KAZN: variants seen among roughly 807,000 people sequenced by gnomAD.
The protein encoded by KAZN is kazrin, periplakin interacting protein, also known as kazrin.
In KAZN, 40 loss-of-function variants were observed where a neutral mutation model predicts 87.4. The observed-to-expected ratio is 0.46, with a 90% CI of 0.36 to 0.60. The LOEUF is 0.60. KAZN is among the 20% of genes least tolerant of loss of function. KAZN has a pLI of 0.00. For synonymous variants in KAZN, 466 were observed against 458.3 expected (o/e 1.02, Z -0.22); for missense variants, 898 against 1,073.9 (o/e 0.84, Z 2.29).
In KAZN at chr1:14,155,636, T is replaced by TTTCTTCTTC. The variant is rs369190328; in HGVS notation, c.92-24781_92-24773dup. On this transcript the variant is annotated intron_variant, in intron 1 of 16. Transcript: ENST00000636203. Reference sequence around the variant, plus strand: ...TGCACTGTTAAGTTTATTTGGTATTTTTCTTCTTCTTCTTCTTCTTCTTCT... The same window carrying TTTCTTCTTC: ...TGCACTGTTAAGTTTATTTGGTATTTTTCTTCTTCTTCTTCTTCTTCTTCTTCTTCTTCT... Among the ~76,000 whole-genome samples, 121 of 151,568 alleles carry TTTCTTCTTC rather than the reference T, an allele frequency of 8.0e-4. 1 individual carries two copies. Among genetic ancestry groups the TTTCTTCTTC allele is most frequent in the African/African-American group, 2.7e-3 (110 of 41,278 alleles).
intron 2 of KAZN, among the ~76,000 whole-genome samples, chr1:14,433,958 G>T (rs1037209543): frequency 3.2e-4 from 48 of 152,246 alleles, no homozygotes; most frequent in African/African-American, 1.2e-3. Context: ...TGCGAAGGAG[G>T]CTGTTTGCAA....
intron 2 of KAZN, among the ~76,000 whole-genome samples, chr1:14,991,779 G>A (rs144000801): frequency 2.6e-3 from 392 of 152,280 alleles, no homozygotes; most frequent in South Asian, 0.013. Context: ...GCCCTGGACC[G>A]CCAGAGCCTG....
chr1:14,938,842 G>T (rs545775938), intron 1 of KAZN, among the ~76,000 whole-genome samples: 1 of 152,306 alleles, frequency 6.6e-6, no homozygotes, highest in African/African-American at 2.4e-5. Flanking sequence ...AAATGAGAAT[G>T]ATGGCACCCA....
At chr1:14,015,663 C>A (rs1320786764) in intron 1 of KAZN, among the ~76,000 whole-genome samples, 1 of 148,310 alleles carries the variant, frequency 6.7e-6, no homozygotes, top group Non-Finnish European at 1.5e-5. Flanking sequence ...GTAATCCCAG[C>A]ACTTTGGGAG....
At chr1:14,397,916 G>C (rs1175909761) in intron 2 of KAZN, among the ~76,000 whole-genome samples, 1 of 149,714 alleles carries the variant, frequency 6.7e-6, no homozygotes, top group South Asian at 2.1e-4. Flanking sequence ...TCTGAGATAA[G>C]GCTTCACGAG....
intron 2 of KAZN, among the ~76,000 whole-genome samples, chr1:14,574,168 C>T (rs539888098): frequency 4.6e-5 from 7 of 152,288 alleles, no homozygotes; most frequent in Non-Finnish European, 7.4e-5. Flanking sequence ...AAGAAAGTGA[C>T]TGTCATTCCC....
intron 2 of KAZN, among the ~76,000 whole-genome samples, chr1:14,298,040 C>A (rs1654260708): frequency 6.6e-6 from 1 of 152,078 alleles, no homozygotes; most frequent in Non-Finnish European, 1.5e-5. Flanking sequence ...GCCTGGGTAA[C>A]ATGGCAAAAC....
chr1:14,150,017 G>T (rs1437983794), intron 1 of KAZN, among the ~76,000 whole-genome samples: 1 of 152,130 alleles, frequency 6.6e-6, no homozygotes, highest in Non-Finnish European at 1.5e-5. Flanking sequence ...GCAACAGCAG[G>T]GAATTTTATA....
intron 1 of KAZN, among the ~76,000 whole-genome samples, chr1:14,159,551 G>A (rs1342307225): frequency 6.6e-6 from 1 of 152,186 alleles, no homozygotes; most frequent in Non-Finnish European, 1.5e-5. Context: ...CGGTCCAAAA[G>A]CCAAGTTCTG....
chr1:14,437,158 C>T (rs938660830), intron 2 of KAZN, among the ~76,000 whole-genome samples: 1 of 152,258 alleles, frequency 6.6e-6, no homozygotes, highest in Admixed American at 6.5e-5. Flanking sequence ...GAGTCAGAGC[C>T]ATGTGTCTCT....
intron 2 of KAZN, among the ~76,000 whole-genome samples, chr1:14,481,267 C>A (rs997744476): frequency 6.6e-6 from 1 of 152,064 alleles, no homozygotes; most frequent in Admixed American, 6.6e-5. Flanking sequence ...TACCTACTGC[C>A]TGGGATATTG....
intron 1 of KAZN, among the ~76,000 whole-genome samples, chr1:14,887,862 G>GC (rs1335028012): frequency 6.6e-6 from 1 of 151,744 alleles, no homozygotes; most frequent in African/African-American, 2.4e-5. Context: ...AATTTCTCAT[G>GC]CCCCCCTCTC....
At chr1:13,982,399 G>A (rs2101082125) in intron 1 of KAZN, among the ~76,000 whole-genome samples, 1 of 152,342 alleles carries the variant, frequency 6.6e-6, no homozygotes, top group South Asian at 2.1e-4. Flanking sequence ...TGGGTTCGTG[G>A]TCTAGCTGGC....
intron 1 of KAZN, among the ~76,000 whole-genome samples, chr1:14,827,792 T>A (rs1321090571): frequency 3.3e-5 from 5 of 152,234 alleles, no homozygotes; most frequent in African/African-American, 4.8e-5. Flanking sequence ...TGAGTGGGCA[T>A]GTCTATGGGA....
intron 1 of KAZN, among the ~76,000 whole-genome samples, chr1:14,163,729 G>GT (rs1225796479): frequency 1.3e-5 from 2 of 152,160 alleles, no homozygotes; most frequent in African/African-American, 4.8e-5. Flanking sequence ...ACATTCCTGC[G>GT]TGGAGGCCCT....
chr1:14,679,484 T>C (rs914486492), intron 1 of KAZN, among the ~76,000 whole-genome samples: 1 of 152,082 alleles, frequency 6.6e-6, no homozygotes, highest in African/African-American at 2.4e-5. Flanking sequence ...GTAGGGGCTG[T>C]GGGTTCCGGA....
intron 2 of KAZN, among the ~76,000 whole-genome samples, chr1:14,456,602 A>G (rs1667580311): frequency 6.6e-6 from 1 of 152,200 alleles, no homozygotes; most frequent in Non-Finnish European, 1.5e-5. Flanking sequence ...TGCGGCCTCC[A>G]TATGTTACTT....
intron 1 of KAZN, among the ~76,000 whole-genome samples, chr1:14,610,072 C>G (rs932870248): frequency 1.3e-5 from 2 of 152,240 alleles, no homozygotes; most frequent in African/African-American, 4.8e-5. Context: ...AGCCTCCTGT[C>G]CAATGAGTGG....
At chr1:15,036,356 G>A (rs1459448853) in intron 3 of KAZN, among the ~76,000 whole-genome samples, 3 of 27,694 alleles carry the variant, frequency 1.1e-4, no homozygotes, top group Middle Eastern at 0.014. Flanking sequence ...CTGCCTGCTC[G>A]GCCCAGCCCT....
Sources: gnomAD v4.1 joint callset for allele counts (sites outside exome capture counted in the v4.1 genomes callset) on GRCh38, gnomAD v4.1.1 for gene constraint, MANE v1.5 for transcripts, NCBI Gene and HGNC (gene_info 2026-07-23, HGNC 2026-07-21) for gene names.